The following MAST4 variants were observed in gnomAD, a reference collection of about 807,000 sequenced individuals.
The protein encoded by MAST4 is microtubule-associated serine/threonine-protein kinase 4.
A neutral mutation model predicts 162.7 loss-of-function variants in MAST4; 89 were observed. The ratio of observed to expected loss-of-function variants is 0.55; its 90% CI spans 0.46 to 0.65. The LOEUF is 0.65. MAST4 is among the 30% of genes least tolerant of loss of function. The pLI is 0.00. For synonymous variants in MAST4, 1,479 were observed against 1,361.1 expected (o/e 1.09, Z -1.91); for missense variants, 3,153 against 3,374.0 (o/e 0.93, Z 1.62).
chr5:66,825,031 A>T (rs1366212809), intron 3 of MAST4, among the ~76,000 whole-genome samples: 1 of 152,316 alleles, frequency 6.6e-6, no homozygotes, highest in African/African-American at 2.4e-5. Flanking sequence ...CTTAGGCTAC[A>T]CTGAATTTAT....
Position 67,160,483 on chromosome 5 carries a change from A to G in MAST4, c.3676A>G (p.Thr1226Ala). The G allele has an allele frequency of 6.2e-7, 1 of 1,613,772 alleles. No individual in the cohort carries two copies. Among genetic ancestry groups the G allele is most frequent in the Non-Finnish European group, 8.5e-7 (1 of 1,179,806 alleles). ...KSGNKVSITT[T>A]PFENTSIKTG... ...TGGGAATAAGGTGTCAATCACTACTACCCCATTTGAAAACACATCAATCAA... is the reference window on the plus strand; with the variant it reads ...TGGGAATAAGGTGTCAATCACTACTGCCCCATTTGAAAACACATCAATCAA... Residue 1226 changes from threonine (T) to alanine (A), a missense_variant, in exon 27 of 29, where the codon ACC (threonine) becomes GCC (alanine). Thr to Ala is a moderately conservative substitution (Grantham distance 58, BLOSUM62 0). Transcript: ENST00000403625.
intron 1 of MAST4, 52 bp downstream of exon 1, chr5:66,597,070 T>C: frequency 7.4e-7 from 1 of 1,354,944 alleles, no homozygotes; most frequent in South Asian, 1.9e-5. Flanking sequence ...CGGGCGACCG[T>C]AGTTTCCCAT....
chr5:66,899,445 C>A (rs893667256), intron 3 of MAST4, among the ~76,000 whole-genome samples: 1 of 152,092 alleles, frequency 6.6e-6, no homozygotes, highest in Non-Finnish European at 1.5e-5. Context: ...AAAAGGAAAT[C>A]TTTTCCATTA....
At chr5:66,657,191 G>A (rs891037344) in intron 1 of MAST4, among the ~76,000 whole-genome samples, 13 of 152,168 alleles carry the variant, frequency 8.5e-5, no homozygotes, top group African/African-American at 1.9e-4. Flanking sequence ...TTTAATGACC[G>A]AATCTAGTCA....
At chr5:66,877,120 A>G (rs975029485) in intron 3 of MAST4, among the ~76,000 whole-genome samples, 1 of 152,168 alleles carries the variant, frequency 6.6e-6, no homozygotes, top group Non-Finnish European at 1.5e-5. Context: ...AAGTAAATGG[A>G]TGGGTGATTG....
intron 3 of MAST4, among the ~76,000 whole-genome samples, chr5:66,896,862 G>C (rs553222574): frequency 6.6e-6 from 1 of 152,248 alleles, no homozygotes; most frequent in African/African-American, 2.4e-5. Flanking sequence ...TGGATTGGAG[G>C]GATCTTTTGG....
At position 66,825,745 on chromosome 5, in the gene MAST4, G is replaced by A. The variant is rs548802422; in HGVS notation, c.642+36951G>A. On this transcript the variant is annotated intron_variant, in intron 3 of 28. Transcript: ENST00000403625. ...GCCTATAATAGAGTGGGCATGTGGCGTATCCATACAGGTAATTTTTTTTAA... is the reference window on the plus strand; with the variant it reads ...GCCTATAATAGAGTGGGCATGTGGCATATCCATACAGGTAATTTTTTTTAA... Among the ~76,000 whole-genome samples the A allele has an allele frequency of 1.3e-3, 195 of 152,072 alleles. 3 individuals carry two copies. Among genetic ancestry groups the A allele is most frequent in the African/African-American group, 4.5e-3 (186 of 41,470 alleles).
chr5:67,130,430 G>A lies in MAST4; in HGVS notation c.1954+12G>A, dbSNP rs757807765. ...GGAATATGTGGAAGGTATCTGACAC[G>A]GAAAACATGACACCTGTACCCAGGA... On this transcript the variant is annotated intron_variant, in intron 15 of 28. Coordinates refer to ENST00000403625, the MANE Select transcript of MAST4 (RefSeq NM_001164664.2). 2.4e-5 allele frequency: 38 copies of A among 1,612,598 alleles called. 1 individual carries two copies. Among genetic ancestry groups the A allele is most frequent in the East Asian group, 4.5e-5 (2 of 44,872 alleles).
intron 1 of MAST4, among the ~76,000 whole-genome samples, chr5:66,743,250 C>G (rs967361196): frequency 6.6e-6 from 1 of 152,154 alleles, no homozygotes; most frequent in Admixed American, 6.5e-5. Context: ...CCTCTTCCTC[C>G]TCATGTATGT....
rs536362916 is a variant in MAST4 at position 67,141,132 on chromosome 5, C to T, written c.2495-983C>T. On this transcript the variant is annotated intron_variant, in intron 19 of 28. Coordinates refer to ENST00000403625, the MANE Select transcript of MAST4 (RefSeq NM_001164664.2). ...TGCATTCAGCTTGGCATTTCTCATC[C>T]TATTCTTTTTGGACTCCACAGAGGA... 4.6e-5 allele frequency among the ~76,000 whole-genome samples: 7 copies of T among 152,262 alleles called. No individual in the cohort carries two copies. The South Asian group carries it at 1.4e-3, about 32-fold the overall frequency.
At chr5:66,700,277 A>G (rs984490651) in intron 1 of MAST4, among the ~76,000 whole-genome samples, 2 of 152,222 alleles carry the variant, frequency 1.3e-5, no homozygotes. Flanking sequence ...CTATTATTTC[A>G]TGATGGAAAA....
At chr5:67,016,668 G>A (rs574776071) in intron 4 of MAST4, among the ~76,000 whole-genome samples, 1 of 152,254 alleles carries the variant, frequency 6.6e-6, no homozygotes, top group East Asian at 1.9e-4. Context: ...ATTTAAATGG[G>A]TTTGTGCTTT....
chr5:67,128,720 G>T (rs1433654102), intron 14 of MAST4, among the ~76,000 whole-genome samples: 1 of 152,176 alleles, frequency 6.6e-6, no homozygotes, highest in Non-Finnish European at 1.5e-5. Flanking sequence ...CAGGAGCATA[G>T]GGTGTTCTGG....
chr5:66,619,096 A>G (rs1305791368), intron 1 of MAST4, among the ~76,000 whole-genome samples: 1 of 152,216 alleles, frequency 6.6e-6, no homozygotes, highest in African/African-American at 2.4e-5. Flanking sequence ...TTGTCTATCT[A>G]ATACTTTTTG....
At chr5:67,056,681 A>G (rs1316446698) in intron 5 of MAST4, among the ~76,000 whole-genome samples, 6 of 152,182 alleles carry the variant, frequency 3.9e-5, no homozygotes, top group African/African-American at 4.8e-5. Flanking sequence ...GAAGCCTGTC[A>G]TTCAGGTTCT....
chr5:66,682,392 A>G (rs2149486092), intron 1 of MAST4, among the ~76,000 whole-genome samples: 1 of 152,350 alleles, frequency 6.6e-6, no homozygotes, highest in East Asian at 1.9e-4. Context: ...ATGTTTTCAC[A>G]CATGAAAGGT....
intron 4 of MAST4, among the ~76,000 whole-genome samples, chr5:67,007,856 G>T (rs1011327874): frequency 6.6e-6 from 1 of 152,206 alleles, no homozygotes; most frequent in Non-Finnish European, 1.5e-5. Flanking sequence ...ACTTGTGCCT[G>T]TAACTCTTGG....
At chr5:66,720,175 A>T (rs1343549295) in intron 1 of MAST4, among the ~76,000 whole-genome samples, 10 of 151,924 alleles carry the variant, frequency 6.6e-5, no homozygotes, top group African/African-American at 2.2e-4. Flanking sequence ...AGGAATGATA[A>T]TTTTTTTAAA....
At chr5:66,629,474 T>C (rs887410831) in intron 1 of MAST4, among the ~76,000 whole-genome samples, 6 of 152,238 alleles carry the variant, frequency 3.9e-5, no homozygotes, top group African/African-American at 1.4e-4. Context: ...AGCAAATTAC[T>C]GAGAACATTT....
Sources: gnomAD v4.1 joint callset for allele counts (sites outside exome capture counted in the v4.1 genomes callset) on GRCh38, gnomAD v4.1.1 for gene constraint, MANE v1.5 for transcripts, NCBI Gene and HGNC (gene_info 2026-07-23, HGNC 2026-07-21) for gene names.